Variants in KCTD1 observed in about 807,000 individuals in gnomAD.
The protein encoded by KCTD1 is BTB/POZ domain-containing protein KCTD1.
KCTD1 carries 24 observed loss-of-function variants against 66.0 expected under a neutral mutation model. That is an observed-to-expected ratio of 0.36 (90% CI 0.26 to 0.51). The LOEUF (loss-of-function observed/expected upper bound fraction) is 0.51, where lower values mean the gene tolerates loss of function less well. Ranked by LOEUF, KCTD1 falls within the 20% of genes least tolerant of loss-of-function variation. The pLI, the probability that KCTD1 is intolerant of heterozygous loss-of-function variation, is 0.95. For missense variants in KCTD1, 943 were observed against 1,205.2 expected (o/e 0.78, Z 3.22); for synonymous variants, 511 against 517.2 (o/e 0.99, Z 0.16).
intron 3 of KCTD1, among the ~76,000 whole-genome samples, chr18:26,464,232 G>GCC (rs1196913339): frequency 9.2e-5 from 14 of 152,278 alleles, no homozygotes; most frequent in Non-Finnish European, 2.1e-4. Context: ...CTTCCTTCTG[G>GCC]AGGCTCTGGG....
chr18:26,607,607 A>C (rs533444681), intron 1 of KCTD1, among the ~76,000 whole-genome samples: 2 of 152,130 alleles, frequency 1.3e-5, no homozygotes, highest in South Asian at 2.1e-4. Flanking sequence ...CACTCACCCA[A>C]ATTTCAGTCA....
At chr18:26,495,235 C>A (rs1361851476) in intron 2 of KCTD1, among the ~76,000 whole-genome samples, 1 of 152,064 alleles carries the variant, frequency 6.6e-6, no homozygotes, top group Non-Finnish European at 1.5e-5. Context: ...AGCACAGAAT[C>A]CCCAACCCTA....
chr18:26,498,842 C>T (rs894063589), intron 2 of KCTD1, among the ~76,000 whole-genome samples: 3 of 152,116 alleles, frequency 2.0e-5, no homozygotes, highest in Non-Finnish European at 4.4e-5. Flanking sequence ...CCAAATGGGA[C>T]ACTATTTGAA....
chr18:26,464,495 C>T (rs1350888548), intron 3 of KCTD1, among the ~76,000 whole-genome samples: 1 of 152,224 alleles, frequency 6.6e-6, no homozygotes, highest in Non-Finnish European at 1.5e-5. Flanking sequence ...TTCACAGGTT[C>T]TGAGGACTGG....
rs527236612 is a variant in KCTD1, at chr18:26,517,612, G to T, written c.1810-16362C>A. Among the ~76,000 whole-genome samples the T allele has an allele frequency of 6.2e-5, 9 of 145,300 alleles. No homozygotes were observed. In the East Asian group the frequency reaches 1.4e-3, roughly 23 times the overall value. On this transcript the variant is annotated intron_variant, in intron 1 of 4. Transcript: ENST00000580059. ...GCGGAGGTTGCAGTGAGCTGAGATC[G>T]TGCCATTGCACTCCAGCCTGGGCAA...
intron 3 of KCTD1, among the ~76,000 whole-genome samples, chr18:26,470,293 C>T (rs1015405798): frequency 6.6e-6 from 1 of 152,178 alleles, no homozygotes; most frequent in Non-Finnish European, 1.5e-5. Flanking sequence ...AAAAAAATCC[C>T]TTTCTCAGCC....
chr18:26,542,442 G>A (rs1335243579), intron 1 of KCTD1, among the ~76,000 whole-genome samples: 5 of 152,156 alleles, frequency 3.3e-5, no homozygotes, highest in South Asian at 2.1e-4. Flanking sequence ...TTACATGTAC[G>A]TTCCTAAGAC....
intron 1 of KCTD1, among the ~76,000 whole-genome samples, chr18:26,526,397 C>A (rs1984162056): frequency 6.6e-6 from 1 of 152,154 alleles, no homozygotes; most frequent in African/African-American, 2.4e-5. Context: ...ACATAGAGGA[C>A]CTCGTGCCCC....
At chr18:26,617,716 C>T (rs1167357941) in intron 1 of KCTD1, among the ~76,000 whole-genome samples, 2 of 151,796 alleles carry the variant, frequency 1.3e-5, no homozygotes, top group Non-Finnish European at 2.9e-5. Context: ...TATAATTGAA[C>T]CAAAAGTTGG....
chr18:26,553,130 A>G (rs762269069), upstream of KCTD1, among the ~76,000 whole-genome samples: 16 of 151,872 alleles, frequency 1.1e-4, no homozygotes, highest in Non-Finnish European at 2.1e-4. Context: ...AGCTGGGACT[A>G]CAGGCCTGCT....
At chr18:26,492,185 T>A (rs929355303) in intron 2 of KCTD1, among the ~76,000 whole-genome samples, 5 of 152,042 alleles carry the variant, frequency 3.3e-5, no homozygotes, top group Non-Finnish European at 5.9e-5. Context: ...TATGCTGCAG[T>A]GAACTGTGAC....
upstream of KCTD1, among the ~76,000 whole-genome samples, chr18:26,552,199 C>T (rs2144858850): frequency 6.6e-6 from 1 of 152,264 alleles, no homozygotes; most frequent in Non-Finnish European, 1.5e-5. Context: ...CAAATGTTTC[C>T]CCCTCGATTC....
intron 1 of KCTD1, chr18:26,599,585 G>T (rs1261838658): frequency 6.6e-7 from 1 of 1,509,232 alleles, no homozygotes; most frequent in Non-Finnish European, 9.2e-7. Flanking sequence ...ATCCAGCTTT[G>T]ACATTATTTT....
At chr18:26,653,164 T>C (rs1012175545) in intron 1 of KCTD1, among the ~76,000 whole-genome samples, 1 of 152,216 alleles carries the variant, frequency 6.6e-6, no homozygotes, top group East Asian at 1.9e-4. Context: ...ATCTGATTAC[T>C]GCTGCCCCTC....
At chr18:26,582,050 G>A (rs571801819) in intron 1 of KCTD1, among the ~76,000 whole-genome samples, 5 of 151,120 alleles carry the variant, frequency 3.3e-5, no homozygotes, top group Non-Finnish European at 5.9e-5. Context: ...GGTAAGTCGC[G>A]TGAGCTCAAG....
chr18:26,624,061 G>A (rs1006532855), intron 1 of KCTD1, among the ~76,000 whole-genome samples: 1 of 152,206 alleles, frequency 6.6e-6, no homozygotes, highest in Non-Finnish European at 1.5e-5. Context: ...GCGGCATTTT[G>A]CCTCTGCCCT....
intron 1 of KCTD1, among the ~76,000 whole-genome samples, chr18:26,564,172 A>G (rs1985928557): frequency 6.6e-6 from 1 of 152,134 alleles, no homozygotes; most frequent in Non-Finnish European, 1.5e-5. Context: ...TTTTTGCACA[A>G]GGAGAAGGAC....
At chr18:26,607,016 C>A (rs1987031652) in intron 1 of KCTD1, among the ~76,000 whole-genome samples, 1 of 152,104 alleles carries the variant, frequency 6.6e-6, no homozygotes, top group Admixed American at 6.6e-5. Context: ...CCTACCTGGG[C>A]AGATCTAGCT....
chr18:26,569,883 C>T (rs1277257599), intron 1 of KCTD1, among the ~76,000 whole-genome samples: 2 of 152,108 alleles, frequency 1.3e-5, no homozygotes, highest in Non-Finnish European at 2.9e-5. Flanking sequence ...ATATTGCAGT[C>T]AATTAACTAA....
Sources: allele counts gnomAD v4.1 joint callset (sites outside exome capture counted in the v4.1 genomes callset), GRCh38; gene constraint gnomAD v4.1.1; transcripts MANE v1.5; gene names NCBI Gene and HGNC (gene_info 2026-07-23, HGNC 2026-07-21).